RND3: variants seen among roughly 807,000 people sequenced by gnomAD.
RND3 encodes the protein rho-related GTP-binding protein RhoE.
Under a neutral mutation model 26.5 loss-of-function variants are expected in RND3, and 8 were observed. The ratio of observed to expected loss-of-function variants is 0.30; its 90% CI spans 0.18 to 0.54. The LOEUF (loss-of-function observed/expected upper bound fraction) is 0.54, where lower values mean the gene tolerates loss of function less well. Among genes scored for constraint, RND3 ranks in the 20% least tolerant of loss-of-function variants. The pLI, the probability that RND3 is intolerant of heterozygous loss-of-function variation, is 0.94. For missense variants in RND3, 207 were observed against 302.8 expected (o/e 0.68, Z 2.35); for synonymous variants, 113 against 113.0 (o/e 1.00, Z 0.00).
chr2:150,470,428 T>C (rs1335246536), intron 5 of RND3, among the ~76,000 whole-genome samples, 190 bp from the exon 6 acceptor site: 1 of 152,136 alleles, frequency 6.6e-6, no homozygotes, highest in Non-Finnish European at 1.5e-5. Flanking sequence ...ACTTCATAAC[T>C]ATTTGCAGTC....
intron 3 of RND3, among the ~76,000 whole-genome samples, chr2:150,478,579 C>CAAAAAAAAAAAAAAAAA (rs1229770069): frequency 3.7e-4 from 39 of 106,360 alleles, no homozygotes; most frequent in African/African-American, 1.3e-3. Context: ...AGCCAAACGG[C>CAAAAAAAAAAAAAAAAA]AAAAAAAAAA....
At chr2:150,474,503 A>G (rs1686135068) in intron 4 of RND3, among the ~76,000 whole-genome samples, 1 of 152,192 alleles carries the variant, frequency 6.6e-6, no homozygotes. Context: ...TCCTTTCACT[A>G]TCTGACTTGA....
chr2:150,469,935 C>T lies in RND3; in HGVS notation c.*52G>A. 1.9e-6 allele frequency: 3 copies of T among 1,594,994 alleles called. No homozygotes were observed. Among genetic ancestry groups the T allele is most frequent in the South Asian group, 1.1e-5 (1 of 89,052 alleles). ...CATTTAGACTTCACCTTTTTGTTTG[C>T]TGTTGTTTTTTACACTAGATTCCTT... On this transcript the variant is annotated 3_prime_UTR_variant, in exon 6 of 6. Transcript: ENST00000263895.
intron 4 of RND3, among the ~76,000 whole-genome samples, chr2:150,472,247 A>C (rs1686098645): frequency 6.6e-6 from 1 of 152,182 alleles, no homozygotes; most frequent in Non-Finnish European, 1.5e-5. Flanking sequence ...GAAGCATGCC[A>C]CCACGAGCTG....
In RND3 at chr2:150,487,493, A is replaced by T. The variant is rs1014626759; in HGVS notation, c.-38-38T>A. ...AAAAAAAATATATATATATATATATATTTCTCTCTTTATAAAAAGCAGATA... is the reference window on the plus strand; with the variant it reads ...AAAAAAAATATATATATATATATATTTTTCTCTCTTTATAAAAAGCAGATA... On this transcript the variant is annotated intron_variant, in intron 1 of 5. Transcript: ENST00000263895. 4.9e-5 allele frequency: 17 copies of T among 350,494 alleles called. No homozygotes were observed. In the Admixed American group the frequency reaches 7.4e-4, roughly 15 times the overall value. 21.7% of individuals were successfully genotyped at this position (350,494 alleles called of 1,614,324 possible).
chr2:150,487,474 A>AAAATATATATATATATATATATAT lies in RND3; in HGVS notation c.-38-20_-38-19insATATATATATATATATATATATTT. ...ATTTTCTCTTAAGAAGAAAAAAAAA[A>AAAATATATATATATATATATATAT]ATATATATATATATATATATTTCTC... On this transcript the variant is annotated intron_variant, in intron 1 of 5. Transcript: ENST00000263895. 4.2e-4 allele frequency: 84 copies of AAAATATATATATATATATATATAT among 200,774 alleles called. No homozygotes were observed. The highest frequency in any genetic ancestry group is 6.1e-4 in the East Asian group (5 of 8,244). 12.4% of individuals were successfully genotyped at this position (200,774 alleles called of 1,614,324 possible). A position where few individuals can be genotyped will look rare whatever the true frequency, so the allele number is the denominator to read the frequency against.
intron 1 of RND3, 46 bp from the exon 2 acceptor site, chr2:150,487,501 CTT>C: frequency 3.2e-6 from 1 of 315,018 alleles, no homozygotes; most frequent in South Asian, 1.1e-4. Flanking sequence ...ATATTTCTCT[CTT>C]TATAAAAAGC....
At chr2:150,485,543 C>T (rs915583905) in intron 3 of RND3, among the ~76,000 whole-genome samples, 1 of 152,240 alleles carries the variant, frequency 6.6e-6, no homozygotes, top group Non-Finnish European at 1.5e-5. Flanking sequence ...GGTCCGCCAG[C>T]AACCCAGCTC....
At chr2:150,481,445 C>T (rs1336836478) in intron 3 of RND3, among the ~76,000 whole-genome samples, 2 of 152,194 alleles carry the variant, frequency 1.3e-5, no homozygotes, top group Non-Finnish European at 2.9e-5. Flanking sequence ...CTCACCTAAA[C>T]ACCTGACACT....
intron 3 of RND3, among the ~76,000 whole-genome samples, chr2:150,482,735 G>GGC (rs1686296818): frequency 9.0e-5 from 12 of 133,774 alleles, no homozygotes; most frequent in African/African-American, 1.9e-4. Context: ...GGGTGGGGGG[G>GGC]GCGGTGCGGG....
At chr2:150,482,263 G>A (rs1009829686) in intron 3 of RND3, among the ~76,000 whole-genome samples, 1 of 152,214 alleles carries the variant, frequency 6.6e-6, no homozygotes, top group African/African-American at 2.4e-5. Flanking sequence ...CACATGTGCT[G>A]AAATTACACT....
rs1686397881 is a variant in RND3, at chr2:150,487,394, C to T, written c.24G>A (p.Gln8=). ...CCATGATAGATTTGCTGGATAATTT[C>T]TGGCTGGCTCTTCTCTCCTTCATTG... MKERRAS[Q]KLSSKSIMDP... Residue 8 remains glutamine, a synonymous_variant, in exon 2 of 6, where the codon CAG becomes CAA. Transcript: ENST00000263895. 1 of 1,536,528 alleles carries T rather than the reference C, an allele frequency of 6.5e-7. No individual in the cohort carries two copies. Among genetic ancestry groups the T allele is most frequent in the South Asian group, 1.3e-5 (1 of 78,540 alleles).
In RND3 at chr2:150,487,575, G is replaced by C. The variant is rs1488698335; in HGVS notation, c.-65C>G. On this transcript the variant is annotated 5_prime_UTR_variant, in exon 1 of 6. Transcript: ENST00000263895. ...TCTGAAACGCGGCGCAGACGAGGAGGAGAGCGAGAGGAGCAGGCTGGTTAC... is the reference window on the plus strand; with the variant it reads ...TCTGAAACGCGGCGCAGACGAGGAGCAGAGCGAGAGGAGCAGGCTGGTTAC... 5.5e-6 allele frequency: 1 copy of C among 183,054 alleles called. No individual in the cohort carries two copies. Among genetic ancestry groups the C allele is most frequent in the Non-Finnish European group, 1.1e-5 (1 of 92,344 alleles). The allele number at this position is 183,054 out of a possible 1,614,324, so 11.3% of individuals were successfully genotyped here.
intron 3 of RND3, among the ~76,000 whole-genome samples, chr2:150,477,931 C>G (rs149846118): frequency 6.6e-6 from 1 of 152,088 alleles, no homozygotes; most frequent in Non-Finnish European, 1.5e-5. Flanking sequence ...TAGATCAACA[C>G]GAGTGTCCAA....
At chr2:150,472,943 G>GAGTAATATACTTTCCAT (rs1275428823) in intron 4 of RND3, among the ~76,000 whole-genome samples, 1 of 151,954 alleles carries the variant, frequency 6.6e-6, no homozygotes, top group Non-Finnish European at 1.5e-5. Context: ...GGATTCAAAG[G>GAGTAATATACTTTCCAT]AGTAATATAC....
At position 150,486,976 on chromosome 2, in the gene RND3, T is replaced by C. The variant is rs1228069585; in HGVS notation, c.151-195A>G. 1.6e-6 allele frequency: 1 copy of C among 621,758 alleles called. No individual in the cohort carries two copies. The highest frequency in any genetic ancestry group is 1.8e-5 in the African/African-American group (1 of 54,350). The allele number at this position is 621,758 out of a possible 1,614,324, so 38.5% of individuals were successfully genotyped here. On this transcript the variant is annotated intron_variant, in intron 2 of 5. Coordinates refer to ENST00000263895, the MANE Select transcript of RND3 (RefSeq NM_005168.5). The surrounding 1 kb of genome is among the most constrained non-coding windows in gnomAD (Gnocchi z 4.5). ...CTACTCCCCACTCACCCCACCCGGCTCTCACAGATCTGCTGACCCGAATCT... is the reference window on the plus strand; with the variant it reads ...CTACTCCCCACTCACCCCACCCGGCCCTCACAGATCTGCTGACCCGAATCT...
Position 150,486,561 on chromosome 2 carries a change from G to C in RND3, c.238+133C>G. On this transcript the variant is annotated intron_variant, in intron 3 of 5. Transcript: ENST00000263895. This position sits in a 1 kb window ranked among gnomAD's most constrained non-coding sequence, Gnocchi z 4.5. Reference sequence around the variant, plus strand: ...CCCACCCAGAAGGGATACAATTTTCGCCCAACAGGGACCGTGGGAATCCCT... The same window carrying C: ...CCCACCCAGAAGGGATACAATTTTCCCCCAACAGGGACCGTGGGAATCCCT... The C allele has an allele frequency of 1.3e-6, 1 of 748,344 alleles. No homozygotes were observed. The highest frequency in any genetic ancestry group is 2.4e-6 in the Non-Finnish European group (1 of 411,372). The allele number at this position is 748,344 out of a possible 1,614,324, so 46.4% of individuals were successfully genotyped here. A position where few individuals can be genotyped will look rare whatever the true frequency, so the allele number is the denominator to read the frequency against.
At chr2:150,480,213 C>A (rs989781821) in intron 3 of RND3, among the ~76,000 whole-genome samples, 1 of 152,126 alleles carries the variant, frequency 6.6e-6, no homozygotes, top group African/African-American at 2.4e-5. Context: ...CATATGATAT[C>A]TAAGAATCAG....
At chr2:150,485,547 C>G (rs1457910655) in intron 3 of RND3, among the ~76,000 whole-genome samples, 1 of 152,226 alleles carries the variant, frequency 6.6e-6, no homozygotes, top group African/African-American at 2.4e-5. Flanking sequence ...CGCCAGCAAC[C>G]CAGCTCCTTG....
Sources: gnomAD v4.1 joint callset for allele counts (sites outside exome capture counted in the v4.1 genomes callset) on GRCh38, gnomAD v4.1.1 for gene constraint, Gnocchi (gnomAD v3.1) non-coding constraint, MANE v1.5 for transcripts, NCBI Gene and HGNC (gene_info 2026-07-23, HGNC 2026-07-21) for gene names.